Variants in MYRIP observed in about 807,000 individuals in gnomAD.
MYRIP encodes the protein rab effector MyRIP.
In MYRIP, 49 loss-of-function variants were observed where a neutral mutation model predicts 98.0. That is an observed-to-expected ratio of 0.50 (90% confidence interval 0.40 to 0.63). MYRIP has a LOEUF of 0.63. MYRIP is among the 30% of genes least tolerant of loss of function. The pLI, the probability that MYRIP is intolerant of heterozygous loss-of-function variation, is 0.00. For synonymous variants in MYRIP, 404 were observed against 409.5 expected (o/e 0.99, Z 0.16); for missense variants, 1,004 against 1,058.2 (o/e 0.95, Z 0.71).
chr3:40,165,514 A>G (rs578078224), intron 5 of MYRIP, among the ~76,000 whole-genome samples: 1 of 152,328 alleles, frequency 6.6e-6, no homozygotes, highest in Admixed American at 6.5e-5. Context: ...ATAAATGGAA[A>G]CAGGAGGTTG....
At chr3:39,918,350 G>A (rs1427222672) in intron 2 of MYRIP, among the ~76,000 whole-genome samples, 2 of 152,148 alleles carry the variant, frequency 1.3e-5, no homozygotes, top group Non-Finnish European at 2.9e-5. Context: ...ATAAATCAAT[G>A]CCTTAGCCTC....
rs557417494 is a variant in MYRIP, at chr3:40,117,429, T to C, written c.333-33619T>C. On this transcript the variant is annotated intron_variant, in intron 3 of 16. Coordinates refer to ENST00000302541, the MANE Select transcript of MYRIP (RefSeq NM_015460.4). ...TTGCCCTCTGTAGCTTGAGGCAACC[T>C]TCTGCCCATCATTGATCCCTTCTTT... is the stretch of plus-strand genomic sequence containing the variant. 3.3e-5 allele frequency among the ~76,000 whole-genome samples: 5 copies of C among 152,332 alleles called. No homozygotes were observed. The South Asian group carries it at 1.0e-3, about 32-fold the overall frequency.
chr3:40,137,332 A>C (rs1949801712), intron 3 of MYRIP, among the ~76,000 whole-genome samples: 2 of 152,252 alleles, frequency 1.3e-5, no homozygotes, highest in African/African-American at 4.8e-5. Flanking sequence ...AGACTAAACC[A>C]GGAAGAAGTT....
intron 2 of MYRIP, among the ~76,000 whole-genome samples, chr3:40,033,178 C>G (rs1427570947): frequency 6.9e-6 from 1 of 145,754 alleles, no homozygotes; most frequent in East Asian, 2.0e-4. Flanking sequence ...GATGCCCTCT[C>G]TCACCACTCC....
chr3:39,895,187 T>C (rs1943574530), intron 1 of MYRIP, among the ~76,000 whole-genome samples: 1 of 151,992 alleles, frequency 6.6e-6, no homozygotes, highest in African/African-American at 2.4e-5. Flanking sequence ...GCTTGCATTT[T>C]TTTTTTCTTT....
At chr3:40,012,065 C>T (rs570395138) in intron 2 of MYRIP, among the ~76,000 whole-genome samples, 1 of 152,312 alleles carries the variant, frequency 6.6e-6, no homozygotes, top group South Asian at 2.1e-4. Context: ...TGTAGTCTTA[C>T]AACAATGTTA....
chr3:39,810,164 G>C (rs889737458), intron 1 of MYRIP, among the ~76,000 whole-genome samples: 2 of 152,186 alleles, frequency 1.3e-5, no homozygotes, highest in Non-Finnish European at 2.9e-5. Flanking sequence ...TCTTTCTCTC[G>C]CTGCTGGGGT....
chr3:39,883,230 A>G (rs1406159757), intron 1 of MYRIP, among the ~76,000 whole-genome samples: 1 of 152,198 alleles, frequency 6.6e-6, no homozygotes, highest in African/African-American at 2.4e-5. Flanking sequence ...AAAAAGTCTT[A>G]CCTGTTAAGT....
chr3:40,134,898 A>G (rs1949729825), intron 3 of MYRIP, among the ~76,000 whole-genome samples: 2 of 152,230 alleles, frequency 1.3e-5, no homozygotes, highest in South Asian at 4.1e-4. Flanking sequence ...ACCATCATCA[A>G]AAACGAAATG....
chr3:40,084,779 T>TCTATGC (rs1419882938), intron 3 of MYRIP, among the ~76,000 whole-genome samples: 1 of 91,260 alleles, frequency 1.1e-5, no homozygotes, highest in African/African-American at 3.8e-5. Context: ...ATAATATATA[T>TCTATGC]GTGTTACATG....
intron 11 of MYRIP, among the ~76,000 whole-genome samples, chr3:40,233,322 G>A (rs1952717880): frequency 6.6e-6 from 1 of 152,152 alleles, no homozygotes; most frequent in South Asian, 2.1e-4. Context: ...TGTCTATCAA[G>A]AAACCACAGA....
intron 10 of MYRIP, chr3:40,209,030 A>G (rs1330322783): frequency 6.6e-6 from 1 of 152,254 alleles, no homozygotes; most frequent in Admixed American, 6.5e-5. Context: ...ATGTGTCTGT[A>G]GTCCCAGCTA....
At chr3:39,842,617 G>T (rs564963314) in intron 1 of MYRIP, among the ~76,000 whole-genome samples, 1 of 152,198 alleles carries the variant, frequency 6.6e-6, no homozygotes, top group African/African-American at 2.4e-5. Context: ...CTCCTTGTCT[G>T]TGAATTGCAG....
intron 1 of MYRIP, among the ~76,000 whole-genome samples, chr3:39,881,602 G>C (rs1445992772): frequency 1.3e-5 from 2 of 152,104 alleles, no homozygotes; most frequent in Non-Finnish European, 2.9e-5. Context: ...CCTATTTTTA[G>C]TGTGACATTA....
At chr3:39,866,821 A>G (rs1013743600) in intron 1 of MYRIP, among the ~76,000 whole-genome samples, 2 of 152,204 alleles carry the variant, frequency 1.3e-5, no homozygotes, top group African/African-American at 4.8e-5. Flanking sequence ...AGAAATAGAG[A>G]AAAACTTTTA....
At chr3:40,152,016 C>T (rs73827323) in intron 4 of MYRIP, among the ~76,000 whole-genome samples, 1,636 of 152,180 alleles carry the variant, frequency 0.011, 32 homozygotes, top group African/African-American at 0.035. Context: ...ACTTAGACAA[C>T]GGGGAAAATA....
intron 2 of MYRIP, among the ~76,000 whole-genome samples, chr3:39,964,270 A>G (rs1355369593): frequency 1.3e-5 from 2 of 152,148 alleles, no homozygotes. Context: ...AAGTATTTTA[A>G]GCACTATGAA....
At chr3:39,967,409 A>G (rs1271771517) in intron 2 of MYRIP, among the ~76,000 whole-genome samples, 3 of 152,100 alleles carry the variant, frequency 2.0e-5, no homozygotes, top group Non-Finnish European at 4.4e-5. Context: ...CATGCAAAAG[A>G]AAAGATCTTA....
chr3:40,164,658 A>G (rs1420645580), intron 5 of MYRIP, among the ~76,000 whole-genome samples: 1 of 152,164 alleles, frequency 6.6e-6, no homozygotes, highest in Admixed American at 6.5e-5. Context: ...CCCACCATCT[A>G]GCTGGTCTTC....
Sources: allele counts gnomAD v4.1 joint callset (sites outside exome capture counted in the v4.1 genomes callset), GRCh38; gene constraint gnomAD v4.1.1; transcripts MANE v1.5; gene names NCBI Gene and HGNC (gene_info 2026-07-23, HGNC 2026-07-21).